DSCAML1: variants seen among roughly 807,000 people sequenced by gnomAD.
The protein encoded by DSCAML1 is cell adhesion molecule DSCAML1.
In DSCAML1, 38 loss-of-function variants were observed where a neutral mutation model predicts 200.5. The observed-to-expected ratio is 0.19, with a 90% CI of 0.15 to 0.25. The LOEUF is 0.25. DSCAML1 is among the 10% of genes least tolerant of loss of function. The pLI is 1.00. For missense variants in DSCAML1, 2,223 were observed against 2,858.8 expected (o/e 0.78, Z 5.07); for synonymous variants, 1,215 against 1,165.0 (o/e 1.04, Z -0.87).
At chr11:117,677,534 G>A (rs2053236638) in intron 3 of DSCAML1, among the ~76,000 whole-genome samples, 1 of 152,016 alleles carries the variant, frequency 6.6e-6, no homozygotes, top group South Asian at 2.1e-4. Context: ...TGAGGCATGG[G>A]TTCTGTGGCT....
At position 117,498,511 on chromosome 11, in the gene DSCAML1, T is replaced by C. The variant is rs1807116; in HGVS notation, c.2359+5334A>G. On this transcript the variant is annotated intron_variant, in intron 11 of 32. Coordinates refer to ENST00000651296, the MANE Select transcript of DSCAML1 (RefSeq NM_020693.4). This position sits in a 1 kb window ranked among gnomAD's most constrained non-coding sequence, Gnocchi z 4.0. ...TAGACTCCTTGCCCTGTGGAAGGGG[T>C]GGGGGCCCCAGTCCCCCAGGTCTCA... Among the ~76,000 whole-genome samples the C allele has an allele frequency of 0.031, 4,688 of 152,056 alleles. 113 individuals are homozygous for C. The highest frequency in any genetic ancestry group is 0.1 in the East Asian group (529 of 5,156).
intron 11 of DSCAML1, 62 bp from the exon 12 acceptor site, chr11:117,482,224 C>G (rs538119578): frequency 6.3e-7 from 1 of 1,583,584 alleles, no homozygotes; most frequent in Non-Finnish European, 8.6e-7. Flanking sequence ...AGGAGGCACG[C>G]GTGCCCTGCG....
chr11:117,621,757 A>G (rs1203523631), intron 3 of DSCAML1, among the ~76,000 whole-genome samples: 1 of 152,164 alleles, frequency 6.6e-6, no homozygotes, highest in Non-Finnish European at 1.5e-5. Context: ...GATCTTATCT[A>G]TATGCAGGAG....
chr11:117,553,859 C>T lies in DSCAML1; in HGVS notation c.512-21337G>A, dbSNP rs201846939. Among the ~76,000 whole-genome samples, 12 of 152,184 alleles carry T rather than the reference C, an allele frequency of 7.9e-5. No individual in the cohort carries two copies. The East Asian group carries it at 2.3e-3, about 29-fold the overall frequency. On this transcript the variant is annotated intron_variant, in intron 3 of 32. Coordinates refer to ENST00000651296, the MANE Select transcript of DSCAML1 (RefSeq NM_020693.4). ...GAAGAGGTATTTGTACACCCATGCTCGGAGCAGCATTATTCACAATAGCCA... is the reference window on the plus strand; with the variant it reads ...GAAGAGGTATTTGTACACCCATGCTTGGAGCAGCATTATTCACAATAGCCA...
intron 3 of DSCAML1, among the ~76,000 whole-genome samples, chr11:117,693,088 C>T (rs2053527572): frequency 6.6e-6 from 1 of 152,172 alleles, no homozygotes; most frequent in Non-Finnish European, 1.5e-5. Context: ...GCATTCCGTC[C>T]TCTGCTTTGG....
intron 3 of DSCAML1, among the ~76,000 whole-genome samples, chr11:117,731,559 C>T (rs373655396): frequency 3.3e-5 from 5 of 152,296 alleles, no homozygotes; most frequent in South Asian, 4.1e-4. Context: ...CTTTTAAGAC[C>T]CCTGTGGCTT....
chr11:117,791,356 G>T (rs1210479235), intron 1 of DSCAML1, among the ~76,000 whole-genome samples: 1 of 152,250 alleles, frequency 6.6e-6, no homozygotes, highest in African/African-American at 2.4e-5. Flanking sequence ...GAGAGACACA[G>T]AAATACATCC....
At chr11:117,534,199 C>T (rs577122967) in intron 3 of DSCAML1, among the ~76,000 whole-genome samples, 24 of 152,356 alleles carry the variant, frequency 1.6e-4, no homozygotes, top group African/African-American at 5.8e-4. Context: ...TGTGGTATCC[C>T]ACCCATCTCC....
At chr11:117,482,304 G>T in intron 11 of DSCAML1, 142 bp from the exon 12 acceptor site, 1 of 940,976 alleles carries the variant, frequency 1.1e-6, no homozygotes, top group Non-Finnish European at 1.6e-6. Context: ...AACCCCACTG[G>T]CCTGTCCCTT....
chr11:117,557,257 G>C (rs17120857), intron 3 of DSCAML1, among the ~76,000 whole-genome samples: 108 of 152,256 alleles, frequency 7.1e-4, no homozygotes, highest in African/African-American at 2.5e-3. Flanking sequence ...GAAAGAAGGT[G>C]ACCTCTCAGG....
At chr11:117,770,715 C>T (rs1297931977) in intron 3 of DSCAML1, among the ~76,000 whole-genome samples, 1 of 151,298 alleles carries the variant, frequency 6.6e-6, no homozygotes, top group African/African-American at 2.4e-5. Context: ...GCGTCTTGAG[C>T]AAGGAACCGA....
intron 3 of DSCAML1, among the ~76,000 whole-genome samples, chr11:117,671,259 C>G (rs1464821413): frequency 6.6e-6 from 1 of 152,156 alleles, no homozygotes; most frequent in African/African-American, 2.4e-5. Flanking sequence ...ATCATGGAGC[C>G]CCAAACCCTC....
In DSCAML1 at chr11:117,504,625, G is replaced by A. The variant is rs980147410; in HGVS notation, c.2182+299C>T. Among the ~76,000 whole-genome samples, 2 of 152,176 alleles carry A rather than the reference G, an allele frequency of 1.3e-5. No homozygotes were observed. The highest frequency in any genetic ancestry group is 1.5e-5 in the Non-Finnish European group (1 of 68,026). ...GCTCTGGGGCCCCAGGGGAGGGTGC[G>A]GTAGGGAAAGCAGGCATACACTGAG... On this transcript the variant is annotated intron_variant, in intron 10 of 32. Coordinates refer to ENST00000651296, the MANE Select transcript of DSCAML1 (RefSeq NM_020693.4). The surrounding 1 kb of genome is among the most constrained non-coding windows in gnomAD (Gnocchi z 5.0).
chr11:117,507,139 A>G lies in DSCAML1; in HGVS notation c.1784-1407T>C, dbSNP rs964636028. On this transcript the variant is annotated intron_variant, in intron 8 of 32. Transcript: ENST00000651296. ...ATGATAACTCAATTAGGCTGCAGCG[A>G]CTTCCCCAGCAAGTGGGGCAGAAGA... is the stretch of plus-strand genomic sequence containing the variant. Among the ~76,000 whole-genome samples the G allele has an allele frequency of 5.9e-5, 9 of 152,198 alleles. No homozygotes were observed. In the East Asian group the frequency reaches 1.5e-3, roughly 26 times the overall value.
chr11:117,492,063 G>GC (rs2049192029), intron 11 of DSCAML1, among the ~76,000 whole-genome samples: 2 of 152,072 alleles, frequency 1.3e-5, no homozygotes, highest in African/African-American at 2.4e-5. Flanking sequence ...ATCCTACCCT[G>GC]CCCCCCAGGC....
chr11:117,580,999 G>A (rs1418337713), intron 3 of DSCAML1, among the ~76,000 whole-genome samples: 2 of 152,174 alleles, frequency 1.3e-5, no homozygotes, highest in South Asian at 2.1e-4. Context: ...ACAAAACCTC[G>A]CAGTCATTCT....
chr11:117,453,918 A>AT lies in DSCAML1; in HGVS notation c.3569-3231dup, dbSNP rs759159828. Among the ~76,000 whole-genome samples the AT allele has an allele frequency of 5.3e-5, 8 of 151,480 alleles. No individual in the cohort carries two copies. The East Asian group carries it at 1.4e-3, about 26-fold the overall frequency. On this transcript the variant is annotated intron_variant, in intron 19 of 32. Coordinates refer to ENST00000651296, the MANE Select transcript of DSCAML1 (RefSeq NM_020693.4). ...CCACTGCACCTGGCTAATTTTTTGT[A>AT]TTTTTAGTAGAGATGGGGTTTCACC...
intron 3 of DSCAML1, among the ~76,000 whole-genome samples, chr11:117,677,495 G>A (rs1236375366): frequency 6.6e-6 from 1 of 152,072 alleles, no homozygotes; most frequent in Non-Finnish European, 1.5e-5. Context: ...GAGAGGGGAG[G>A]GTGCTGAGGA....
At chr11:117,448,968 A>G (rs962692581) in intron 20 of DSCAML1, among the ~76,000 whole-genome samples, 4 of 152,218 alleles carry the variant, frequency 2.6e-5, no homozygotes, top group African/African-American at 4.8e-5. Flanking sequence ...CCTTCCATCA[A>G]TGGATACTAA....
Sources: gnomAD v4.1 joint callset for allele counts (sites outside exome capture counted in the v4.1 genomes callset) on GRCh38, gnomAD v4.1.1 for gene constraint, Gnocchi (gnomAD v3.1) non-coding constraint, MANE v1.5 for transcripts, NCBI Gene and HGNC (gene_info 2026-07-23, HGNC 2026-07-21) for gene names.